The following PITPNB variants were observed in gnomAD, a reference collection of about 807,000 sequenced individuals.
PITPNB encodes the protein phosphatidylinositol transfer protein beta isoform.
PITPNB carries 16 observed loss-of-function variants against 45.9 expected under a neutral mutation model. The ratio of observed to expected loss-of-function variants is 0.35; its 90% CI spans 0.24 to 0.53. The LOEUF is 0.53. Ranked by LOEUF, PITPNB falls within the 20% of genes least tolerant of loss-of-function variation. The pLI is 0.93. For missense variants in PITPNB, 188 were observed against 330.5 expected, an observed-to-expected ratio of 0.57 and a Z score of 3.34; for synonymous variants, 112 against 108.9, an observed-to-expected ratio of 1.03 and a Z score of -0.18.
rs909945009 is a variant in PITPNB at position 27,853,526 on chromosome 22, T to C, written c.*176A>G. The C allele has an allele frequency of 1.0e-6, 1 of 997,736 alleles. No homozygotes were observed. Among genetic ancestry groups the C allele is most frequent in the African/African-American group, 1.6e-5 (1 of 62,538 alleles). The allele number at this position is 997,736 out of a possible 1,614,324, so 61.8% of individuals were successfully genotyped here. On this transcript the variant is annotated 3_prime_UTR_variant, in exon 12 of 12. Coordinates refer to ENST00000335272, the MANE Select transcript of PITPNB (RefSeq NM_012399.5). Reference sequence around the variant, plus strand: ...ATGCACACATACATATATACACACGTGGTTGAGAACCTGTGCATGTGTGTG... The same window carrying C: ...ATGCACACATACATATATACACACGCGGTTGAGAACCTGTGCATGTGTGTG...
At chr22:27,877,790 G>A (rs1934862043) in intron 7 of PITPNB, among the ~76,000 whole-genome samples, 1 of 152,144 alleles carries the variant, frequency 6.6e-6, no homozygotes, top group African/African-American at 2.4e-5. Context: ...GGAGTTTCTT[G>A]ACAGCTTGTG....
chr22:27,880,187 A>ATGC (rs1299205556), intron 7 of PITPNB, among the ~76,000 whole-genome samples: 3 of 152,174 alleles, frequency 2.0e-5, no homozygotes. Flanking sequence ...CAGGACTCAG[A>ATGC]TGCTGCCCTG....
chr22:27,912,291 G>A (rs962913760), intron 2 of PITPNB, among the ~76,000 whole-genome samples: 2 of 152,066 alleles, frequency 1.3e-5, no homozygotes, highest in African/African-American at 4.8e-5. Flanking sequence ...TACTCAATTT[G>A]GAAGTGTTTG....
intron 3 of PITPNB, among the ~76,000 whole-genome samples, chr22:27,904,385 T>C (rs566501000): frequency 6.6e-6 from 1 of 152,306 alleles, no homozygotes; most frequent in African/African-American, 2.4e-5. Flanking sequence ...GAAGGCCACA[T>C]ATTACATGAT....
At chr22:27,903,601 AC>A (rs759093970) in intron 3 of PITPNB, among the ~76,000 whole-genome samples, 65 of 146,654 alleles carry the variant, frequency 4.4e-4, no homozygotes, top group African/African-American at 1.6e-3. Flanking sequence ...ATACAGGGAG[AC>A]CCCCCACCTC....
intron 10 of PITPNB, among the ~76,000 whole-genome samples, chr22:27,858,054 CAA>C (rs1359328090): frequency 2.7e-5 from 4 of 150,262 alleles, no homozygotes; most frequent in Admixed American, 2.7e-4. Context: ...CTTAGTCTGA[CAA>C]AGTGTCTAAA....
chr22:27,875,728 C>T (rs1444139367), intron 7 of PITPNB, among the ~76,000 whole-genome samples: 1 of 152,080 alleles, frequency 6.6e-6, no homozygotes, highest in African/African-American at 2.4e-5. Flanking sequence ...ATTGAACAGC[C>T]ACCATATAGA....
intron 8 of PITPNB, among the ~76,000 whole-genome samples, chr22:27,862,726 T>C (rs916119172): frequency 6.6e-6 from 1 of 152,188 alleles, no homozygotes; most frequent in African/African-American, 2.4e-5. Flanking sequence ...TGGGTACCAT[T>C]TACCCTTTAC....
At chr22:27,874,370 AT>A (rs534338681) in intron 7 of PITPNB, among the ~76,000 whole-genome samples, 31 of 152,242 alleles carry the variant, frequency 2.0e-4, no homozygotes, top group African/African-American at 7.2e-4. Flanking sequence ...GAGCCCTGGG[AT>A]ACACATGGCT....
chr22:27,879,123 G>A, intron 7 of PITPNB, among the ~76,000 whole-genome samples: 1 of 152,058 alleles, frequency 6.6e-6, no homozygotes, highest in Non-Finnish European at 1.5e-5. Context: ...GGTGGTGGGA[G>A]CACTGCTAGG....
intron 3 of PITPNB, among the ~76,000 whole-genome samples, chr22:27,902,171 G>T (rs1342328107): frequency 6.6e-6 from 1 of 152,076 alleles, no homozygotes; most frequent in Non-Finnish European, 1.5e-5. Flanking sequence ...ATTCGGGAAG[G>T]CCTCTCTGAG....
rs1934044670 is a variant in PITPNB, at chr22:27,852,392, GTTCC to G, written c.*1306_*1309del. The G allele has an allele frequency of 6.6e-6, 1 of 152,168 alleles. No homozygotes were observed. Among genetic ancestry groups the G allele is most frequent in the Admixed American group, 6.5e-5 (1 of 15,284 alleles). 9.4% of individuals were successfully genotyped at this position (152,168 alleles called of 1,614,324 possible). A position where few individuals can be genotyped will look rare whatever the true frequency, so the allele number is the denominator to read the frequency against. On this transcript the variant is annotated 3_prime_UTR_variant, in exon 12 of 12. Coordinates refer to ENST00000335272, the MANE Select transcript of PITPNB (RefSeq NM_012399.5). ...CTGATAAAAATCTTACCTAGCTATT[GTTCC>G]TTCCTTTAAATAAAAAATAAAATTA...
intron 5 of PITPNB, chr22:27,896,902 A>C: frequency 1.6e-6 from 1 of 614,346 alleles, no homozygotes; most frequent in Non-Finnish European, 2.9e-6. Context: ...ATGGCGTTTG[A>C]AGGGAGTAAC....
chr22:27,896,840 G>A, intron 5 of PITPNB: 2 of 603,442 alleles, frequency 3.3e-6, no homozygotes, highest in Middle Eastern at 2.9e-4. Context: ...AATTCTACTT[G>A]CCACGTGGCA....
intron 3 of PITPNB, among the ~76,000 whole-genome samples, chr22:27,905,446 C>T (rs1422287770): frequency 6.6e-6 from 1 of 152,166 alleles, no homozygotes; most frequent in South Asian, 2.1e-4. Flanking sequence ...CCACACCCAG[C>T]CTATTAATTT....
rs1934388755 is a variant in PITPNB, at chr22:27,863,156, T to A, written c.535-2915A>T. Among the ~76,000 whole-genome samples, 3 of 152,316 alleles carry A rather than the reference T, an allele frequency of 2.0e-5. No homozygotes were observed. The South Asian group carries it at 6.2e-4, about 32-fold the overall frequency. On this transcript the variant is annotated intron_variant, in intron 8 of 11. Transcript: ENST00000335272. ...ATGGCACTTAATTGTGAGATATAGC[T>A]GCCAAACAGTAGCACTAGACTAGGA... is the stretch of plus-strand genomic sequence containing the variant.
At chr22:27,887,421 G>A (rs1056793651) in intron 7 of PITPNB, among the ~76,000 whole-genome samples, 4 of 152,142 alleles carry the variant, frequency 2.6e-5, no homozygotes, top group African/African-American at 9.7e-5. Flanking sequence ...GTAAGAGCTG[G>A]GGCTGACTGA....
chr22:27,907,360 T>A (rs1935794413), intron 3 of PITPNB, among the ~76,000 whole-genome samples: 1 of 152,194 alleles, frequency 6.6e-6, no homozygotes, highest in South Asian at 2.1e-4. Context: ...CCTTCCATAA[T>A]ATAGTTATCC....
intron 10 of PITPNB, among the ~76,000 whole-genome samples, chr22:27,857,072 C>T (rs1053447987): frequency 9.2e-5 from 14 of 152,140 alleles, no homozygotes; most frequent in African/African-American, 2.7e-4. Flanking sequence ...GGGGTATCTT[C>T]CACTCTTGCC....
Sources: gnomAD v4.1 joint callset for allele counts (sites outside exome capture counted in the v4.1 genomes callset) on GRCh38, gnomAD v4.1.1 for gene constraint, MANE v1.5 for transcripts, NCBI Gene and HGNC (gene_info 2026-07-23, HGNC 2026-07-21) for gene names.